Variants in COL9A1 observed in about 807,000 individuals in gnomAD.
COL9A1 encodes the protein collagen alpha-1(IX) chain.
In COL9A1, 104 loss-of-function variants were observed where a neutral mutation model predicts 142.6. The ratio of observed to expected loss-of-function variants is 0.73; its 90% CI spans 0.62 to 0.86. The LOEUF (loss-of-function observed/expected upper bound fraction) is 0.86, where lower values mean the gene tolerates loss of function less well. Ranked by LOEUF, COL9A1 falls within the 40% of genes least tolerant of loss-of-function variation. The pLI is 0.00. For synonymous variants in COL9A1, 466 were observed against 396.0 expected, an observed-to-expected ratio of 1.18 and a Z score of -2.10; for missense variants, 1,210 against 1,176.6, an observed-to-expected ratio of 1.03 and a Z score of -0.42.
At chr6:70,282,958 C>A in intron 6 of COL9A1, 40 bp from the exon 7 acceptor site, 6 of 1,614,164 alleles carry the variant, frequency 3.7e-6, no homozygotes, top group Non-Finnish European at 5.1e-6. Context: ...GAAAAGCACC[C>A]CTCAAACTCG....
intron 21 of COL9A1, 93 bp downstream of exon 21, chr6:70,256,671 TTTAA>T: frequency 1.0e-6 from 1 of 953,810 alleles, no homozygotes; most frequent in South Asian, 1.6e-5. Flanking sequence ...ACTTTTCCAC[TTTAA>T]TTATTCACAC....
At chr6:70,274,108 A>T in intron 11 of COL9A1, 26 bp from the exon 12 acceptor site, 1 of 1,573,606 alleles carries the variant, frequency 6.4e-7, no homozygotes, top group Non-Finnish European at 8.7e-7. Context: ...GTTTCATTGT[A>T]CTGACCTTTC....
chr6:70,271,612 A>G (rs1329136186), intron 14 of COL9A1, 43 bp downstream of exon 14: 2 of 1,588,220 alleles, frequency 1.3e-6, no homozygotes, highest in Admixed American at 1.7e-5. Flanking sequence ...AACATCTTCT[A>G]TTAAATCAGC....
chr6:70,283,383 T>A, intron 6 of COL9A1: 1 of 787,946 alleles, frequency 1.3e-6, no homozygotes, highest in Non-Finnish European at 2.0e-6. Context: ...GTGCAGCTTC[T>A]GGCTGTCCTC....
At chr6:70,251,072 A>T (rs1770905500) in intron 28 of COL9A1, among the ~76,000 whole-genome samples, 2 of 152,228 alleles carry the variant, frequency 1.3e-5, no homozygotes, top group Admixed American at 1.3e-4. Flanking sequence ...CAAAAAATGG[A>T]AACAATTCAA....
At position 70,263,230 on chromosome 6, in the gene COL9A1, A is replaced by T. The variant is rs367801990; in HGVS notation, c.1395+14T>A. On this transcript the variant is annotated intron_variant, in intron 19 of 37. Transcript: ENST00000357250. Reference sequence around the variant, plus strand: ...TACATATCCTAGTTAAATATTTTTTAAAAAATACTTTACTGGAGGTCCTTG... The same window carrying T: ...TACATATCCTAGTTAAATATTTTTTTAAAAATACTTTACTGGAGGTCCTTG... The T allele has an allele frequency of 6.4e-4, 1,011 of 1,583,472 alleles. 4 individuals are homozygous for T. In the African/African-American group the frequency reaches 0.01, roughly 16 times the overall value.
intron 5 of COL9A1, among the ~76,000 whole-genome samples, chr6:70,289,028 T>A (rs1773558996): frequency 6.6e-6 from 1 of 152,192 alleles, no homozygotes; most frequent in Non-Finnish European, 1.5e-5. Flanking sequence ...AGAAATATAG[T>A]GAAGAAAGAA....
chr6:70,280,386 G>C, intron 10 of COL9A1: 1 of 1,170,576 alleles, frequency 8.5e-7, no homozygotes, highest in Non-Finnish European at 1.1e-6. Flanking sequence ...ATTAATGCAG[G>C]GAGTGCCGGT....
chr6:70,252,444 G>T, intron 26 of COL9A1, 129 bp from the exon 27 acceptor site: 3 of 811,120 alleles, frequency 3.7e-6, no homozygotes, highest in Non-Finnish European at 4.2e-6. Context: ...TGAGAATCTG[G>T]GAATGTGCAG....
chr6:70,283,283 T>A (rs1773293151), intron 6 of COL9A1: 1 of 1,404,374 alleles, frequency 7.1e-7, no homozygotes, highest in Admixed American at 2.9e-5. Context: ...GGAGGACGGA[T>A]AGAATGACAA....
chr6:70,272,567 C>A (rs1772477886), intron 12 of COL9A1, among the ~76,000 whole-genome samples: 1 of 152,094 alleles, frequency 6.6e-6, no homozygotes, highest in Admixed American at 6.5e-5. Flanking sequence ...CAGAAACACA[C>A]CTCCCTTTTG....
At chr6:70,262,613 C>T (rs1167156540) in intron 19 of COL9A1, among the ~76,000 whole-genome samples, 3 of 152,098 alleles carry the variant, frequency 2.0e-5, no homozygotes, top group Non-Finnish European at 4.4e-5. Flanking sequence ...ATTGTCATTA[C>T]TCATTTTAAC....
rs575404088 is a variant in COL9A1 at position 70,292,611 on chromosome 6, T to C, written c.696+1556A>G. On this transcript the variant is annotated intron_variant, in intron 5 of 37. Transcript: ENST00000357250. ...CTGCTCTGGCAATAAGACAATTTAA[T>C]AGCATCTTAGCTCACAGAATTTAGT... is the stretch of plus-strand genomic sequence containing the variant. Among the ~76,000 whole-genome samples the C allele has an allele frequency of 1.6e-3, 240 of 152,316 alleles. 1 individual carries two copies. The highest frequency in any genetic ancestry group is 2.9e-3 in the Non-Finnish European group (196 of 68,006).
At chr6:70,280,096 A>G in intron 10 of COL9A1, 1 of 634,348 alleles carries the variant, frequency 1.6e-6, no homozygotes, top group East Asian at 2.7e-5. Flanking sequence ...ACTCTGAAGA[A>G]GTATTATTTA....
At position 70,302,156 on chromosome 6, in the gene COL9A1, C is replaced by G. The variant is rs1026454522; in HGVS notation, c.15-82G>C. 18 of 734,470 alleles carry G rather than the reference C, an allele frequency of 2.5e-5. No homozygotes were observed. The East Asian group carries it at 3.9e-4, about 16-fold the overall frequency. 45.5% of individuals were successfully genotyped at this position (734,470 alleles called of 1,614,324 possible). On this transcript the variant is annotated intron_variant, in intron 1 of 37. Transcript: ENST00000357250. ...TTCCATATTTTCAAACCTAGTAAAC[C>G]TAATTAATGTAAGGTGATCAAATCA...
At chr6:70,273,975 A>G (rs778055585) in intron 12 of COL9A1, 72 bp downstream of exon 12, 3 of 834,584 alleles carry the variant, frequency 3.6e-6, no homozygotes, top group Non-Finnish European at 3.4e-6. Flanking sequence ...AAATAAATAA[A>G]AAGATTTCAC....
At chr6:70,299,814 T>C (rs995562017) in intron 4 of COL9A1, among the ~76,000 whole-genome samples, 2 of 152,142 alleles carry the variant, frequency 1.3e-5, no homozygotes, top group African/African-American at 2.4e-5. Flanking sequence ...AATCAATGTA[T>C]AATAGTCTCA....
At chr6:70,251,995 G>A in intron 28 of COL9A1, 125 bp downstream of exon 28, 1 of 981,118 alleles carries the variant, frequency 1.0e-6, no homozygotes. Context: ...ATCTCCTTGT[G>A]TGTCTTGGAC....
In COL9A1 at chr6:70,268,788, G is replaced by A. The variant is rs762338325; in HGVS notation, c.1287+16C>T. 3.8e-5 allele frequency: 62 copies of A among 1,611,018 alleles called. No individual in the cohort carries two copies. Among genetic ancestry groups the A allele is most frequent in the African/African-American group, 1.3e-5 (1 of 74,880 alleles). ...TGTGGATAATACTCTTAAAATACTG[G>A]AAGTTATTCTCTTACCCTCATGCCT... is the stretch of plus-strand genomic sequence containing the variant. On this transcript the variant is annotated intron_variant, in intron 17 of 37. Coordinates refer to ENST00000357250, the MANE Select transcript of COL9A1 (RefSeq NM_001851.6).
Sources: gnomAD v4.1 joint callset for allele counts (sites outside exome capture counted in the v4.1 genomes callset) on GRCh38, gnomAD v4.1.1 for gene constraint, MANE v1.5 for transcripts, NCBI Gene and HGNC (gene_info 2026-07-23, HGNC 2026-07-21) for gene names.